The following BLTP1 variants were observed in gnomAD, a reference collection of about 807,000 sequenced individuals.
BLTP1 encodes the protein bridge-like lipid transfer protein family member 1.
At chr4:122,231,556 ATTTTG>A in the BLTP1 span, 1 of 664,432 alleles carries the variant, frequency 1.5e-6, no homozygotes, top group South Asian at 6.8e-5. Flanking sequence ...TTATCTTTTA[ATTTTG>A]TTTTTATTTT....
At chr4:122,354,401 G>A in the BLTP1 span, among the ~76,000 whole-genome samples, 1 of 151,400 alleles carries the variant, frequency 6.6e-6, no homozygotes, top group Non-Finnish European at 1.5e-5. Context: ...CTTAAAGTTC[G>A]AATAGCTAGA....
the BLTP1 span, chr4:122,187,751 G>T: frequency 4.0e-6 from 4 of 992,568 alleles, no homozygotes; most frequent in Admixed American, 3.5e-5. Flanking sequence ...TTGACCAGTG[G>T]AATAGTTTAA....
chr4:122,286,597 AAAG>A, the BLTP1 span: 1 of 1,614,100 alleles, frequency 6.2e-7, no homozygotes, highest in Non-Finnish European at 8.5e-7. Flanking sequence ...TTTTACTTCA[AAAG>A]TTTCTGCCAC....
chr4:122,353,202 T>G, the BLTP1 span: 81 of 1,582,818 alleles, frequency 5.1e-5, no homozygotes, highest in Non-Finnish European at 6.5e-5. The surrounding 1 kb of genome is among the most constrained non-coding windows in gnomAD (Gnocchi z 4.3). Flanking sequence ...TCTTCTGTTA[T>G]GACTATAAAT....
At chr4:122,353,232 T>G in the BLTP1 span, 1 of 1,548,216 alleles carries the variant, frequency 6.5e-7, no homozygotes, top group Non-Finnish European at 8.7e-7. This position sits in a 1 kb window ranked among gnomAD's most constrained non-coding sequence, Gnocchi z 4.3. Flanking sequence ...ATTTCTGAAG[T>G]CCATCTCTGT....
chr4:122,324,421 T>G, the BLTP1 span: 1 of 1,607,922 alleles, frequency 6.2e-7, no homozygotes, highest in East Asian at 2.2e-5. Context: ...TCTCCCATTT[T>G]GTTAGGCTGC....
the BLTP1 span, chr4:122,282,127 CAG>C: frequency 1.0e-6 from 1 of 971,332 alleles, no homozygotes; most frequent in South Asian, 4.8e-5. Context: ...TAGCTCAAAT[CAG>C]GGGTCATTTG....
At chr4:122,327,280 T>C in the BLTP1 span, among the ~76,000 whole-genome samples, 59 of 151,634 alleles carry the variant, frequency 3.9e-4, no homozygotes. Flanking sequence ...TCGAGTCCCT[T>C]TTATAAATGG....
the BLTP1 span, chr4:122,187,476 A>G: frequency 6.2e-7 from 1 of 1,612,384 alleles, no homozygotes; most frequent in Non-Finnish European, 8.5e-7. Flanking sequence ...CTTCATGGAG[A>G]TCACTTATTC....
chr4:122,279,872 A>G, the BLTP1 span: 1 of 1,614,146 alleles, frequency 6.2e-7, no homozygotes, highest in Non-Finnish European at 8.5e-7. Flanking sequence ...AGTAGGAGCT[A>G]TCAGTATCAA....
At chr4:122,299,250 C>T in the BLTP1 span, 10 of 474,360 alleles carry the variant, frequency 2.1e-5, no homozygotes, top group Non-Finnish European at 2.8e-5. Context: ...ACTTGGCACT[C>T]AGTAAGCACT....
At chr4:122,353,203 G>A in the BLTP1 span, 1 of 1,582,322 alleles carries the variant, frequency 6.3e-7, no homozygotes, top group Non-Finnish European at 8.6e-7. The surrounding 1 kb of genome is among the most constrained non-coding windows in gnomAD (Gnocchi z 4.3). Context: ...CTTCTGTTAT[G>A]ACTATAAATG....
chr4:122,224,337 C>T, the BLTP1 span: 1 of 361,910 alleles, frequency 2.8e-6, no homozygotes, highest in Non-Finnish European at 3.8e-6. Flanking sequence ...ACTCAGAATA[C>T]CTCTGCGGGT....
the BLTP1 span, among the ~76,000 whole-genome samples, chr4:122,171,630 G>T: frequency 1.5e-5 from 2 of 129,298 alleles, no homozygotes; most frequent in Non-Finnish European, 3.2e-5. Flanking sequence ...TAATTTATAT[G>T]GGTTACACAG....
chr4:122,233,826 ATTGT>A, the BLTP1 span, among the ~76,000 whole-genome samples: 66 of 152,194 alleles, frequency 4.3e-4, no homozygotes, highest in African/African-American at 1.6e-3. Context: ...TTTCTTGTTT[ATTGT>A]TTGTCTTTGC....
the BLTP1 span, chr4:122,245,040 A>G: frequency 5.6e-6 from 9 of 1,610,306 alleles, no homozygotes; most frequent in South Asian, 3.3e-5. Flanking sequence ...GCAATGGTTC[A>G]TTGTGCTAGT....
chr4:122,322,512 G>C, the BLTP1 span, among the ~76,000 whole-genome samples: 1 of 152,012 alleles, frequency 6.6e-6, no homozygotes, highest in African/African-American at 2.4e-5. Flanking sequence ...TCCCTTCTAT[G>C]AGGTTCTGAT....
the BLTP1 span, chr4:122,264,242 A>G: frequency 3.8e-6 from 6 of 1,558,808 alleles, no homozygotes; most frequent in South Asian, 7.5e-5. Context: ...TTAAAAATTT[A>G]CTCCATTAGG....
At chr4:122,353,326 C>T in the BLTP1 span, 1 of 791,480 alleles carries the variant, frequency 1.3e-6, no homozygotes, top group Non-Finnish European at 1.5e-6. The surrounding 1 kb of genome is among the most constrained non-coding windows in gnomAD (Gnocchi z 4.3). Flanking sequence ...AATTTCTGAA[C>T]TTGCCATCTT....
Sources: gnomAD v4.1 joint callset for allele counts (sites outside exome capture counted in the v4.1 genomes callset) on GRCh38, gnomAD v4.1.1 for gene constraint, Gnocchi (gnomAD v3.1) non-coding constraint, MANE v1.5 for transcripts, NCBI Gene and HGNC (gene_info 2026-07-23, HGNC 2026-07-21) for gene names.